TACC2: variants seen among roughly 807,000 people sequenced by gnomAD.
TACC2 encodes the protein transforming acidic coiled-coil containing protein 2.
Under a neutral mutation model 227.3 loss-of-function variants are expected in TACC2, and 137 were observed. That is an observed-to-expected ratio of 0.60 (90% CI 0.52 to 0.69). TACC2 has a LOEUF of 0.69. Among genes scored for constraint, TACC2 ranks in the 30% least tolerant of loss-of-function variants. TACC2 has a pLI of 0.00. For missense variants in TACC2, 3,470 were observed against 3,694.4 expected (o/e 0.94, Z 1.57); for synonymous variants, 1,523 against 1,487.5 (o/e 1.02, Z -0.55).
chr10:122,232,637 T>A (rs1227992393), intron 16 of TACC2, among the ~76,000 whole-genome samples: 1 of 152,204 alleles, frequency 6.6e-6, no homozygotes, highest in African/African-American at 2.4e-5. Flanking sequence ...TAACTTGTAT[T>A]GCTTTTGTTA....
intron 3 of TACC2, among the ~76,000 whole-genome samples, chr10:122,070,885 C>G (rs1432901723): frequency 6.6e-6 from 1 of 151,978 alleles, no homozygotes; most frequent in African/African-American, 2.4e-5. Context: ...GATTGCACCC[C>G]TGTATTCCAG....
In TACC2 at chr10:122,210,697, C is replaced by G; in HGVS notation, c.6272C>G (p.Ala2091Gly). Reference protein sequence around the residue: ...STLSRSLSLQASDFDGASSSG... With the variant: ...STLSRSLSLQGSDFDGASSSG... ...CTGTCCCGGTCGCTCAGCCTGCAAG[C>G]CAGTGACTTTGATGGTGCTTCTTCC... Residue 2091 changes from alanine (A) to glycine (G), a missense_variant, in exon 9 of 23, where the codon GCC (alanine) becomes GGC (glycine). Coordinates refer to ENST00000369005, the MANE Select transcript of TACC2 (RefSeq NM_206862.4). The surrounding 1 kb of genome is among the most constrained non-coding windows in gnomAD (Gnocchi z 4.6). The G allele has an allele frequency of 6.2e-7, 1 of 1,614,156 alleles. No individual in the cohort carries two copies. The highest frequency in any genetic ancestry group is 8.5e-7 in the Non-Finnish European group (1 of 1,180,038).
intron 1 of TACC2, among the ~76,000 whole-genome samples, chr10:122,007,716 T>C (rs1955355766): frequency 6.6e-6 from 1 of 152,230 alleles, no homozygotes; most frequent in South Asian, 2.1e-4. Flanking sequence ...AACTTTTCTT[T>C]TTTTTCTTTC....
intron 22 of TACC2, among the ~76,000 whole-genome samples, chr10:122,253,677 A>T (rs1041707560): frequency 3.9e-5 from 6 of 152,254 alleles, no homozygotes; most frequent in African/African-American, 1.4e-4. Context: ...CAGACTAGTT[A>T]GTCCTTCACT....
intron 16 of TACC2, among the ~76,000 whole-genome samples, chr10:122,231,338 G>A (rs189250592): frequency 1.1e-3 from 174 of 151,842 alleles, no homozygotes; most frequent in Non-Finnish European, 1.9e-3. Context: ...TGAACCTGGT[G>A]TGTCAGACTG....
In TACC2 at chr10:122,042,489, C is replaced by T. The variant is rs2461198; in HGVS notation, c.34-7949C>T. Reference sequence around the variant, plus strand: ...AACTCCTGACCTCAAGTGATCCACCCGCCTCAGCCTCCCAAAGTTCTGGAA... The same window carrying T: ...AACTCCTGACCTCAAGTGATCCACCTGCCTCAGCCTCCCAAAGTTCTGGAA... On this transcript the variant is annotated intron_variant, in intron 2 of 22. Transcript: ENST00000369005. 2.9e-3 allele frequency among the ~76,000 whole-genome samples: 444 copies of T among 152,110 alleles called. 2 individuals are homozygous for T. The highest frequency in any genetic ancestry group is 0.01 in the African/African-American group (420 of 41,514).
chr10:122,153,495 T>C (rs11818893), intron 7 of TACC2, among the ~76,000 whole-genome samples: 7,766 of 152,284 alleles, frequency 0.051, 512 homozygotes, highest in African/African-American at 0.16. Flanking sequence ...GCCTTCCAGC[T>C]TCTAACTCTG....
intron 12 of TACC2, among the ~76,000 whole-genome samples, chr10:122,225,141 C>T (rs1460194934): frequency 1.3e-5 from 2 of 151,208 alleles, no homozygotes; most frequent in Non-Finnish European, 2.9e-5. Flanking sequence ...TTTTAATTAA[C>T]TGAATATTTT....
intron 11 of TACC2, among the ~76,000 whole-genome samples, chr10:122,220,839 C>G (rs1462257959): frequency 6.6e-6 from 1 of 152,174 alleles, no homozygotes; most frequent in Non-Finnish European, 1.5e-5. Flanking sequence ...CTGCAGAGTG[C>G]TTTTCTACAG....
intron 2 of TACC2, among the ~76,000 whole-genome samples, chr10:122,023,958 G>A (rs1019083141): frequency 2.0e-5 from 3 of 152,156 alleles, no homozygotes; most frequent in African/African-American, 7.2e-5. Flanking sequence ...GGAAGGTGGT[G>A]CCAATGTTCT....
At chr10:122,017,644 C>T (rs1329136697) in intron 1 of TACC2, among the ~76,000 whole-genome samples, 2 of 151,602 alleles carry the variant, frequency 1.3e-5, no homozygotes, top group Non-Finnish European at 2.9e-5. Context: ...TGGCAAAACC[C>T]GGTCTCTGCT....
intron 7 of TACC2, chr10:122,163,815 A>G: frequency 6.9e-7 from 1 of 1,440,228 alleles, no homozygotes; most frequent in Non-Finnish European, 9.1e-7. Flanking sequence ...TCCCCTCTGC[A>G]GTGCAGCAAC....
intron 1 of TACC2, among the ~76,000 whole-genome samples, chr10:122,002,068 G>C (rs1954434085): frequency 6.6e-6 from 1 of 152,228 alleles, no homozygotes; most frequent in Non-Finnish European, 1.5e-5. Context: ...AGGCTGGGAA[G>C]TCCAAGATGA....
chr10:122,210,602 T>G lies in TACC2; in HGVS notation c.6177T>G (p.Ala2059=). The change falls in exon 9 of 23, where the codon GCT becomes GCG. Residue 2059 remains alanine (A), a synonymous_variant. Coordinates refer to ENST00000369005, the MANE Select transcript of TACC2 (RefSeq NM_206862.4). The surrounding 1 kb of genome is among the most constrained non-coding windows in gnomAD (Gnocchi z 4.6). ...CCTTGGAGCCTCGTGCCTCAGACGC[T>G]AAGAATCAGGAGGGCAAAGTGAACA... The part of the protein sequence containing the change: ...FQTLEPRASD[A]KNQEGKVNTR... 6.2e-7 allele frequency: 1 copy of G among 1,614,064 alleles called. No homozygotes were observed. Among genetic ancestry groups the G allele is most frequent in the South Asian group, 1.1e-5 (1 of 91,076 alleles).
At chr10:122,117,275 A>G (rs1345318230) in intron 5 of TACC2, among the ~76,000 whole-genome samples, 1 of 150,340 alleles carries the variant, frequency 6.7e-6, no homozygotes, top group South Asian at 2.1e-4. Flanking sequence ...GCCCACTGCA[A>G]CCTCTGCCTC....
chr10:122,127,487 G>C (rs573923981), intron 5 of TACC2, among the ~76,000 whole-genome samples: 3 of 152,332 alleles, frequency 2.0e-5, no homozygotes, highest in African/African-American at 7.2e-5. Context: ...GATAGTACAG[G>C]CTTCCCTCCC....
chr10:122,189,422 ATGCT>A (rs2094332806), intron 7 of TACC2, among the ~76,000 whole-genome samples: 1 of 152,120 alleles, frequency 6.6e-6, no homozygotes, highest in Non-Finnish European at 1.5e-5. Context: ...AGCCTGGACA[ATGCT>A]GGCTGGCTTT....
At position 122,082,936 on chromosome 10, in the gene TACC2, G is replaced by A. The variant is rs1309046698; in HGVS notation, c.436G>A (p.Ala146Thr). Residue 146 changes from alanine to threonine, a missense_variant, in exon 4 of 23, where the codon GCC (alanine) becomes ACC (threonine). Around this residue, in one of 10 missense-constraint regions of TACC2, gnomAD observed 405 missense variants for 389.6 expected, o/e 1.04. Coordinates refer to ENST00000369005, the MANE Select transcript of TACC2 (RefSeq NM_206862.4). ...QSPRREPAPN[A>T]PGDIAAAFPA... The stretch of plus-strand genomic sequence containing the variant: ...TCCCAGGAGGGAACCTGCCCCAAAT[G>A]CCCCAGGAGACATCGCGGCGGCATT... 6.2e-7 allele frequency: 1 copy of A among 1,613,050 alleles called. No individual in the cohort carries two copies.
intron 7 of TACC2, chr10:122,192,394 C>G (rs947622763): frequency 1.8e-5 from 5 of 284,730 alleles, no homozygotes; most frequent in African/African-American, 1.1e-4. Context: ...CTGTTGCTTG[C>G]TTGTGCTGTT....
Sources: gnomAD v4.1 joint callset for allele counts (sites outside exome capture counted in the v4.1 genomes callset) on GRCh38, gnomAD v4.1.1 for gene constraint, gnomAD v4.1.1 regional missense constraint, Gnocchi (gnomAD v3.1) non-coding constraint, MANE v1.5 for transcripts, NCBI Gene and HGNC (gene_info 2026-07-23, HGNC 2026-07-21) for gene names.